Variants in CDH17 observed in about 807,000 individuals in gnomAD.
CDH17 encodes cadherin-17.
CDH17 carries 67 observed loss-of-function variants against 86.3 expected under a neutral mutation model. The observed-to-expected ratio is 0.78, with a 90% CI of 0.64 to 0.95. The LOEUF is 0.95. Among genes scored for constraint, CDH17 ranks in the 40% least tolerant of loss-of-function variants. The pLI, the probability that CDH17 is intolerant of heterozygous loss-of-function variation, is 0.00. For synonymous variants in CDH17, 367 were observed against 366.4 expected (o/e 1.00, Z -0.02); for missense variants, 993 against 1,017.6 (o/e 0.98, Z 0.33).
chr8:94,208,356 G>A (rs1350882695), intron 1 of CDH17, 127 bp downstream of exon 1: 3 of 152,148 alleles, frequency 2.0e-5, no homozygotes, highest in East Asian at 3.9e-4. Flanking sequence ...TCCCTTCTCC[G>A]CATCTGCATA....
chr8:94,192,967 C>T (rs1813714778), intron 2 of CDH17, among the ~76,000 whole-genome samples: 1 of 152,198 alleles, frequency 6.6e-6, no homozygotes, highest in Non-Finnish European at 1.5e-5. Context: ...TTCAAGCAAA[C>T]TTCCAGTCTT....
chr8:94,146,778 A>AAGTT (rs1292261346), intron 14 of CDH17, among the ~76,000 whole-genome samples: 1 of 152,244 alleles, frequency 6.6e-6, no homozygotes, highest in Non-Finnish European at 1.5e-5. Context: ...TATGAGGAGT[A>AAGTT]AGTTATTACA....
At chr8:94,152,417 T>A in intron 12 of CDH17, among the ~76,000 whole-genome samples, 1 of 152,216 alleles carries the variant, frequency 6.6e-6, no homozygotes, top group Admixed American at 6.5e-5. Flanking sequence ...TGGAGCCTCA[T>A]GCTCTGTCAC....
Position 94,194,688 on chromosome 8 carries a change from T to C in CDH17, c.-3A>G. The C allele has an allele frequency of 1.9e-6, 3 of 1,597,422 alleles. No individual in the cohort carries two copies. The South Asian group carries it at 3.4e-5, about 18-fold the overall frequency. ...TGAAGATGGGCCTGAAGTATCATAG[T>C]TTTCTTTATTCAAATTCCTGTGAAG... is the stretch of plus-strand genomic sequence containing the variant. On this transcript the variant is annotated 5_prime_UTR_variant, in exon 2 of 18. Transcript: ENST00000027335.
At chr8:94,152,533 G>A (rs1413971719) in intron 12 of CDH17, among the ~76,000 whole-genome samples, 1 of 152,162 alleles carries the variant, frequency 6.6e-6, no homozygotes, top group Admixed American at 6.5e-5. Flanking sequence ...AAGTGGCTGG[G>A]ATTATAGGCA....
At position 94,128,765 on chromosome 8, in the gene CDH17, G is replaced by C. The variant is rs544567951; in HGVS notation, c.2399-425C>G. 1.6e-3 allele frequency among the ~76,000 whole-genome samples: 251 copies of C among 152,240 alleles called. 2 individuals are homozygous for C. Among genetic ancestry groups the C allele is most frequent in the Non-Finnish European group, 3.1e-3 (212 of 68,024 alleles). On this transcript the variant is annotated intron_variant, in intron 17 of 17. Coordinates refer to ENST00000027335, the MANE Select transcript of CDH17 (RefSeq NM_004063.4). ...ATCCAATTAGCACAACTAGAAAGCT[G>C]TTCTCTGACCTGTTCACCTCCCTGA... is the stretch of plus-strand genomic sequence containing the variant.
chr8:94,172,012 C>A (rs1198662244), intron 7 of CDH17, among the ~76,000 whole-genome samples: 1 of 129,604 alleles, frequency 7.7e-6, no homozygotes, highest in South Asian at 3.1e-4. Flanking sequence ...CTCCTCCCTC[C>A]CCTTCTCCCG....
chr8:94,192,029 T>C (rs1813699399), intron 2 of CDH17, among the ~76,000 whole-genome samples: 1 of 152,184 alleles, frequency 6.6e-6, no homozygotes, highest in Non-Finnish European at 1.5e-5. Context: ...GTCTTTCAGT[T>C]AGTCACACCA....
At position 94,145,931 on chromosome 8, in the gene CDH17, T is replaced by C. The variant is rs770287850; in HGVS notation, c.2164A>G (p.Asn722Asp). 4 of 1,611,270 alleles carry C rather than the reference T, an allele frequency of 2.5e-6. No individual in the cohort carries two copies. Among genetic ancestry groups the C allele is most frequent in the South Asian group, 2.2e-5 (2 of 90,284 alleles). ...CCATGTATTTCTGACAACTCACCAT[T>C]GATTTTGGAAACTTCCCAGTCGTTT... is the stretch of plus-strand genomic sequence containing the variant. ...LQNDWEVSKI[N>D]GTHARLSTRH... The change falls in exon 15 of 18, where the codon AAT (asparagine) becomes GAT (aspartate). Residue 722 changes from asparagine (N) to aspartate (D), a missense_variant. By Grantham distance (23) the Asn-to-Asp change is conservative. Coordinates refer to ENST00000027335, the MANE Select transcript of CDH17 (RefSeq NM_004063.4).
chr8:94,150,443 A>G (rs767627184), intron 13 of CDH17, among the ~76,000 whole-genome samples: 1 of 152,248 alleles, frequency 6.6e-6, no homozygotes, highest in Non-Finnish European at 1.5e-5. Flanking sequence ...ATTCAAATCC[A>G]TTGGGTGCTA....
At chr8:94,170,244 C>T (rs1240226569) in intron 9 of CDH17, among the ~76,000 whole-genome samples, 153 bp downstream of exon 9, 10 of 152,100 alleles carry the variant, frequency 6.6e-5, no homozygotes, top group Non-Finnish European at 1.3e-4. Context: ...ATCCCAAATA[C>T]GGTCCTTACG....
intron 7 of CDH17, 110 bp downstream of exon 7, chr8:94,173,687 A>G (rs995625459): frequency 1.6e-5 from 13 of 830,284 alleles, no homozygotes; most frequent in African/African-American, 1.2e-4. Flanking sequence ...TAATCATGCT[A>G]TGAAAAAGGT....
At chr8:94,193,553 A>G (rs1475986140) in intron 2 of CDH17, among the ~76,000 whole-genome samples, 1 of 152,214 alleles carries the variant, frequency 6.6e-6, no homozygotes, top group Admixed American at 6.5e-5. Flanking sequence ...TAACTCACCA[A>G]ATTCTTATCA....
In CDH17 at chr8:94,152,002, C is replaced by A. The variant is rs149027046; in HGVS notation, c.1662G>T (p.Thr554=). 1 of 1,614,150 alleles carries A rather than the reference C, an allele frequency of 6.2e-7. No individual in the cohort carries two copies. The highest frequency in any genetic ancestry group is 1.7e-5 in the Admixed American group (1 of 60,032). ...KYNASSFAKF[T]LIVTDVNEAP... ...CTTCATTCACATCTGTCACAATAAG[C>A]GTGAACTTGGCAAAAGAACTTGCAT... The change falls in exon 13 of 18, where the codon ACG becomes ACT. Residue 554 remains threonine, a synonymous_variant. Coordinates refer to ENST00000027335, the MANE Select transcript of CDH17 (RefSeq NM_004063.4).
At position 94,162,142 on chromosome 8, in the gene CDH17, C is replaced by A; in HGVS notation, c.1303G>T (p.Val435Leu). ...TTGATATCAATAACGTTGATTTGCA[C>A]AAAACAAAGGGTCTTGAAATCTGAA... is the stretch of plus-strand genomic sequence containing the variant. Reference protein sequence around the residue: ...SDKDFKTLCFVQINVIDINDQ... With the variant: ...SDKDFKTLCFLQINVIDINDQ... The change falls in exon 11 of 18, where the codon GTG becomes TTG. Residue 435 changes from valine (V) to leucine (L), a missense_variant. By Grantham distance (32) the Val-to-Leu change is conservative (BLOSUM62 1). Coordinates refer to ENST00000027335, the MANE Select transcript of CDH17 (RefSeq NM_004063.4). 1 of 1,608,370 alleles carries A rather than the reference C, an allele frequency of 6.2e-7. No individual in the cohort carries two copies. Among genetic ancestry groups the A allele is most frequent in the East Asian group, 2.2e-5 (1 of 44,806 alleles).
chr8:94,195,987 C>T (rs1322264812), intron 1 of CDH17, among the ~76,000 whole-genome samples: 1 of 151,926 alleles, frequency 6.6e-6, no homozygotes, highest in Non-Finnish European at 1.5e-5. Flanking sequence ...GTCTCAATCT[C>T]CCGACCTCGT....
intron 1 of CDH17, among the ~76,000 whole-genome samples, chr8:94,201,303 T>C (rs1813907040): frequency 6.6e-6 from 1 of 152,276 alleles, no homozygotes; most frequent in Admixed American, 6.5e-5. Flanking sequence ...ATGGGTAGAA[T>C]TGTGTCTCCC....
intron 1 of CDH17, among the ~76,000 whole-genome samples, chr8:94,215,811 C>T (rs575169361): frequency 9.9e-5 from 15 of 151,274 alleles, no homozygotes; most frequent in East Asian, 1.9e-4. Context: ...GTTCTATTAT[C>T]GGAAATGTCT....
chr8:94,188,641 C>T lies in CDH17; in HGVS notation c.150+546G>A, dbSNP rs547082478. Among the ~76,000 whole-genome samples the T allele has an allele frequency of 2.2e-4, 34 of 152,318 alleles. No homozygotes were observed. The South Asian group carries it at 6.8e-3, about 31-fold the overall frequency. On this transcript the variant is annotated intron_variant, in intron 3 of 17. Transcript: ENST00000027335. ...TGGGACTTAGGTCCCTTCCCTTATT[C>T]CCACCTGCAGACTGCCCCTCCATCT...
Sources: gnomAD v4.1 joint callset for allele counts (sites outside exome capture counted in the v4.1 genomes callset) on GRCh38, gnomAD v4.1.1 for gene constraint, MANE v1.5 for transcripts, NCBI Gene and HGNC (gene_info 2026-07-23, HGNC 2026-07-21) for gene names.